The following RAPGEF1 variants were observed in gnomAD, a reference collection of about 807,000 sequenced individuals.
RAPGEF1 encodes CRK SH3-binding GNRP.
In RAPGEF1, 33 loss-of-function variants were observed where a neutral mutation model predicts 143.3. The observed-to-expected ratio is 0.23, with a 90% CI of 0.17 to 0.31. The LOEUF (loss-of-function observed/expected upper bound fraction) is 0.31. Among genes scored for constraint, RAPGEF1 ranks in the 10% least tolerant of loss-of-function variants. The pLI is 1.00. For synonymous variants in RAPGEF1, 629 were observed against 676.5 expected, an observed-to-expected ratio of 0.93 and a Z score of 1.09; for missense variants, 1,199 against 1,645.4, an observed-to-expected ratio of 0.73 and a Z score of 4.69.
chr9:131,608,645 C>T (rs1373141003), intron 12 of RAPGEF1, among the ~76,000 whole-genome samples: 1 of 152,212 alleles, frequency 6.6e-6, no homozygotes, highest in Non-Finnish European at 1.5e-5. Context: ...TTCTGGTATT[C>T]AAGCTATGCA....
chr9:131,592,411 G>A (rs1418900422), intron 17 of RAPGEF1, among the ~76,000 whole-genome samples: 1 of 152,212 alleles, frequency 6.6e-6, no homozygotes, highest in African/African-American at 2.4e-5. Context: ...CGGCAGATCA[G>A]AGAGGGGAAA....
intron 1 of RAPGEF1, among the ~76,000 whole-genome samples, chr9:131,683,997 C>A (rs202025545): frequency 6.6e-6 from 1 of 152,234 alleles, no homozygotes; most frequent in East Asian, 1.9e-4. Context: ...AATGGCCGAT[C>A]GCCTAGTTGC....
intron 15 of RAPGEF1, among the ~76,000 whole-genome samples, chr9:131,599,934 A>G (rs1275438101): frequency 6.6e-6 from 1 of 152,146 alleles, no homozygotes; most frequent in African/African-American, 2.4e-5. Context: ...CCTGGCCAAC[A>G]TGGTGAAACC....
intron 1 of RAPGEF1, among the ~76,000 whole-genome samples, chr9:131,695,906 C>T (rs1313342983): frequency 2.0e-5 from 3 of 152,184 alleles, no homozygotes; most frequent in East Asian, 1.9e-4. Flanking sequence ...AACTCCTCAC[C>T]GCACCCCGTT....
intron 1 of RAPGEF1, among the ~76,000 whole-genome samples, chr9:131,672,802 C>T (rs1831623999): frequency 6.6e-6 from 1 of 152,114 alleles, no homozygotes; most frequent in Non-Finnish European, 1.5e-5. Context: ...GGAAAAGGTC[C>T]GTGTAGGGTA....
chr9:131,648,339 T>G (rs150876314), intron 3 of RAPGEF1, among the ~76,000 whole-genome samples: 2 of 152,112 alleles, frequency 1.3e-5, no homozygotes, highest in Non-Finnish European at 2.9e-5. Context: ...TGCAGTGAGC[T>G]GAGATTGCTC....
intron 1 of RAPGEF1, among the ~76,000 whole-genome samples, chr9:131,717,597 C>G (rs1835949329): frequency 6.6e-6 from 1 of 152,026 alleles, no homozygotes; most frequent in African/African-American, 2.4e-5. Context: ...GCAACATGGT[C>G]CCTGTCTCTA....
intron 12 of RAPGEF1, among the ~76,000 whole-genome samples, chr9:131,609,812 C>G (rs772697688): frequency 2.6e-4 from 40 of 151,848 alleles, no homozygotes; most frequent in Admixed American, 5.9e-4. Flanking sequence ...TTCGGTGACA[C>G]CTTCTCTCTA....
intron 20 of RAPGEF1, among the ~76,000 whole-genome samples, chr9:131,588,554 C>CT (rs1953601327): frequency 6.6e-6 from 1 of 152,192 alleles, no homozygotes; most frequent in South Asian, 2.1e-4. Context: ...GTGTGCACTC[C>CT]TGCCCTGTCC....
Position 131,584,700 on chromosome 9 carries a change from A to C in RAPGEF1, c.3234-104T>G. 1 of 1,092,974 alleles carries C rather than the reference A, an allele frequency of 9.1e-7. No individual in the cohort carries two copies. The allele number at this position is 1,092,974 out of a possible 1,614,324, so 67.7% of individuals were successfully genotyped here. On this transcript the variant is annotated intron_variant, in intron 22 of 26. Transcript: ENST00000683357. This position sits in a 1 kb window ranked among gnomAD's most constrained non-coding sequence, Gnocchi z 6.8. ...CTGTACGACCCCCATGCCAGTGGCCACGAGCCCACCCCTACTGAATACCTG... is the reference window on the plus strand; with the variant it reads ...CTGTACGACCCCCATGCCAGTGGCCCCGAGCCCACCCCTACTGAATACCTG...
chr9:131,618,452 G>A, intron 12 of RAPGEF1, among the ~76,000 whole-genome samples: 1 of 151,250 alleles, frequency 6.6e-6, no homozygotes, highest in Non-Finnish European at 1.5e-5. Context: ...TGGGTGGTTT[G>A]TTATGCAGCA....
chr9:131,739,284 A>G (rs903207737), intron 1 of RAPGEF1, among the ~76,000 whole-genome samples: 1 of 151,892 alleles, frequency 6.6e-6, no homozygotes, highest in East Asian at 1.9e-4. Context: ...AAATACCCCC[A>G]CTCATCCAGC....
At chr9:131,708,388 G>C (rs953664360) in intron 1 of RAPGEF1, among the ~76,000 whole-genome samples, 42 of 152,190 alleles carry the variant, frequency 2.8e-4, no homozygotes, top group Non-Finnish European at 1.3e-4. Context: ...AAAGGCCGCT[G>C]AGTGCGTCAA....
chr9:131,702,023 C>A (rs1001264176), intron 1 of RAPGEF1, among the ~76,000 whole-genome samples: 1 of 151,876 alleles, frequency 6.6e-6, no homozygotes, highest in South Asian at 2.1e-4. Context: ...AACGCCCTGA[C>A]GTTCTACACT....
chr9:131,734,675 G>A (rs1162264980), intron 1 of RAPGEF1, among the ~76,000 whole-genome samples: 1 of 152,182 alleles, frequency 6.6e-6, no homozygotes, highest in African/African-American at 2.4e-5. Flanking sequence ...TACAATGACT[G>A]CCAATCTAAG....
intron 11 of RAPGEF1, among the ~76,000 whole-genome samples, chr9:131,620,705 G>T (rs1960652323): frequency 6.6e-6 from 1 of 152,172 alleles, no homozygotes; most frequent in Admixed American, 6.5e-5. Context: ...AAACAAAACA[G>T]CTTGCTTGGT....
chr9:131,585,705 G>A (rs911970872), intron 22 of RAPGEF1, among the ~76,000 whole-genome samples: 10 of 152,124 alleles, frequency 6.6e-5, no homozygotes, highest in Non-Finnish European at 1.3e-4. Context: ...AGATGATCTC[G>A]GGGCCTTTAA....
chr9:131,664,504 C>G (rs912178770), intron 1 of RAPGEF1, among the ~76,000 whole-genome samples: 4 of 152,160 alleles, frequency 2.6e-5, no homozygotes, highest in Admixed American at 2.6e-4. Context: ...TGCAAGCCAA[C>G]ACCACCAGGT....
At position 131,650,860 on chromosome 9, in the gene RAPGEF1, CCTT is replaced by C. The variant is rs770069046; in HGVS notation, c.148_150del (p.Lys50del). 1.9e-5 allele frequency: 30 copies of C among 1,613,886 alleles called. No homozygotes were observed. Among genetic ancestry groups the C allele is most frequent in the Admixed American group, 1.2e-4 (7 of 60,006 alleles). ...TTTACGGACACCTCAGCTGGTTTTCCCTTCTTTGATGGCGTTCTCTTGATTTTG... is the reference window on the plus strand; with the variant it reads ...TTTACGGACACCTCAGCTGGTTTTCCCTTTGATGGCGTTCTCTTGATTTTG... On this transcript the variant is annotated inframe_deletion, in exon 2 of 27. Coordinates refer to ENST00000683357, the MANE Select transcript of RAPGEF1 (RefSeq NM_001377935.1). The surrounding 1 kb of genome is among the most constrained non-coding windows in gnomAD (Gnocchi z 4.7).
Sources: gnomAD v4.1 joint callset for allele counts (sites outside exome capture counted in the v4.1 genomes callset) on GRCh38, gnomAD v4.1.1 for gene constraint, Gnocchi (gnomAD v3.1) non-coding constraint, MANE v1.5 for transcripts, NCBI Gene and HGNC (gene_info 2026-07-23, HGNC 2026-07-21) for gene names.